The following DAPP1 variants were observed in gnomAD, a reference collection of about 807,000 sequenced individuals.
DAPP1 encodes dual adaptor of phosphotyrosine and 3-phosphoinositides 1, also known as dual adapter for phosphotyrosine and 3-phosphotyrosine and 3-phosphoinositide.
DAPP1 carries 20 observed loss-of-function variants against 41.5 expected under a neutral mutation model. The ratio of observed to expected loss-of-function variants is 0.48; its 90% CI spans 0.34 to 0.70. The LOEUF is 0.70. DAPP1 is among the 30% of genes least tolerant of loss of function. DAPP1 has a pLI of 0.01. For synonymous variants in DAPP1, 113 were observed against 116.2 expected (o/e 0.97, Z 0.18); for missense variants, 233 against 333.4 (o/e 0.70, Z 2.35).
chr4:99,831,918 T>A (rs948329177), intron 1 of DAPP1, among the ~76,000 whole-genome samples: 1 of 152,148 alleles, frequency 6.6e-6, no homozygotes, highest in African/African-American at 2.4e-5. Context: ...TACATGTATA[T>A]ATTTTAACTT....
At chr4:99,847,775 A>G (rs1464920774) in intron 3 of DAPP1, among the ~76,000 whole-genome samples, 2 of 151,358 alleles carry the variant, frequency 1.3e-5, no homozygotes, top group African/African-American at 4.9e-5. Context: ...AAGTATTAAG[A>G]GTCTGTGGTA....
At chr4:99,843,195 AC>A (rs1723553443) in intron 3 of DAPP1, among the ~76,000 whole-genome samples, 1 of 152,216 alleles carries the variant, frequency 6.6e-6, no homozygotes, top group African/African-American at 2.4e-5. Context: ...ACATTTATCT[AC>A]TGGCACAAGT....
intron 4 of DAPP1, among the ~76,000 whole-genome samples, chr4:99,859,684 C>T (rs1162361136): frequency 6.6e-6 from 1 of 152,170 alleles, no homozygotes; most frequent in Non-Finnish European, 1.5e-5. Flanking sequence ...CCCCGACACT[C>T]CAACCACCCA....
intron 2 of DAPP1, among the ~76,000 whole-genome samples, chr4:99,837,161 G>A (rs192078985): frequency 6.6e-6 from 1 of 152,352 alleles, no homozygotes; most frequent in East Asian, 1.9e-4. Context: ...CAGGGCTCAT[G>A]TGATTAGTTC....
intron 4 of DAPP1, among the ~76,000 whole-genome samples, chr4:99,858,927 C>T (rs1578188833): frequency 6.6e-6 from 1 of 151,814 alleles, no homozygotes; most frequent in Non-Finnish European, 1.5e-5. Context: ...TGTGTCACTC[C>T]GTCACTCTGT....
intron 1 of DAPP1, among the ~76,000 whole-genome samples, chr4:99,819,971 A>G (rs544489005): frequency 5.3e-5 from 8 of 152,324 alleles, no homozygotes; most frequent in Admixed American, 5.2e-4. Flanking sequence ...CAAGCAACAC[A>G]GTGCTTTTCC....
At chr4:99,817,436 TA>T (rs1178702175) in intron 1 of DAPP1, among the ~76,000 whole-genome samples, 1 of 152,164 alleles carries the variant, frequency 6.6e-6, no homozygotes, top group East Asian at 1.9e-4. Context: ...ACAGAAAGCT[TA>T]CCCTACTGTA....
At chr4:99,822,755 T>C (rs1315439752) in intron 1 of DAPP1, among the ~76,000 whole-genome samples, 2 of 152,154 alleles carry the variant, frequency 1.3e-5, no homozygotes, top group Non-Finnish European at 2.9e-5. Context: ...GACCATACTC[T>C]TAGATATTTT....
At chr4:99,835,245 G>A (rs1034563439) in intron 1 of DAPP1, among the ~76,000 whole-genome samples, 4 of 152,110 alleles carry the variant, frequency 2.6e-5, no homozygotes, top group African/African-American at 9.7e-5. Context: ...CTGACCTCAA[G>A]TGATCCGCCT....
chr4:99,846,971 C>T (rs1201392083), intron 3 of DAPP1, among the ~76,000 whole-genome samples: 1 of 152,204 alleles, frequency 6.6e-6, no homozygotes, highest in Non-Finnish European at 1.5e-5. Flanking sequence ...ATCTACTTCT[C>T]ATTGGAAGGA....
intron 1 of DAPP1, among the ~76,000 whole-genome samples, chr4:99,820,695 G>A (rs1722745947): frequency 6.6e-6 from 1 of 152,132 alleles, no homozygotes; most frequent in Admixed American, 6.6e-5. Context: ...TAAAGGGCCG[G>A]GTAACGAATG....
At chr4:99,849,604 C>T (rs777137681) in intron 3 of DAPP1, among the ~76,000 whole-genome samples, 9 of 152,148 alleles carry the variant, frequency 5.9e-5, no homozygotes, top group South Asian at 2.1e-4. Flanking sequence ...CAACTGGCCC[C>T]GGTGGCTATT....
intron 4 of DAPP1, among the ~76,000 whole-genome samples, chr4:99,859,791 G>T (rs1211457948): frequency 6.6e-6 from 1 of 152,170 alleles, no homozygotes; most frequent in African/African-American, 2.4e-5. Flanking sequence ...TGCAGTAGCT[G>T]CCACCTCCAC....
intron 3 of DAPP1, among the ~76,000 whole-genome samples, chr4:99,850,922 A>T (rs1229607887): frequency 6.6e-6 from 1 of 152,240 alleles, no homozygotes. Context: ...TAAGGAGCAG[A>T]AGCTTGTAAT....
At chr4:99,845,154 G>C (rs1723624398) in intron 3 of DAPP1, among the ~76,000 whole-genome samples, 1 of 152,212 alleles carries the variant, frequency 6.6e-6, no homozygotes, top group South Asian at 2.1e-4. Context: ...CCTATTTTCA[G>C]ATGAGGAAAG....
intron 3 of DAPP1, 28 bp from the exon 4 acceptor site, chr4:99,853,190 C>A (rs372503686): frequency 1.2e-6 from 2 of 1,612,008 alleles, no homozygotes; most frequent in African/African-American, 1.3e-5. Context: ...GAACACTGTT[C>A]GATTATATAT....
chr4:99,848,632 G>T (rs1348097692), intron 3 of DAPP1, among the ~76,000 whole-genome samples: 1 of 152,194 alleles, frequency 6.6e-6, no homozygotes, highest in African/African-American at 2.4e-5. Flanking sequence ...AGTAATCATG[G>T]CAAGTCTGAG....
intron 1 of DAPP1, among the ~76,000 whole-genome samples, chr4:99,821,274 G>A (rs1018471704): frequency 3.3e-5 from 5 of 152,080 alleles, no homozygotes; most frequent in African/African-American, 4.8e-5. Flanking sequence ...CTTTCAATAC[G>A]ATATCACCAT....
At chr4:99,849,765 G>A (rs1414821724) in intron 3 of DAPP1, among the ~76,000 whole-genome samples, 11 of 152,214 alleles carry the variant, frequency 7.2e-5, no homozygotes, top group Admixed American at 7.2e-4. Flanking sequence ...ACTTTGGGGT[G>A]GGGAGATTAT....
Sources: allele counts gnomAD v4.1 joint callset (sites outside exome capture counted in the v4.1 genomes callset), GRCh38; gene constraint gnomAD v4.1.1; transcripts MANE v1.5; gene names NCBI Gene and HGNC (gene_info 2026-07-23, HGNC 2026-07-21).